The following PGGT1B variants were observed in gnomAD, a reference collection of about 807,000 sequenced individuals.
PGGT1B encodes the protein geranylgeranyl transferase type-1 subunit beta.
A neutral mutation model predicts 46.1 loss-of-function variants in PGGT1B; 30 were observed. The ratio of observed to expected loss-of-function variants is 0.65; its 90% CI spans 0.49 to 0.88. PGGT1B has a LOEUF of 0.88. Ranked by LOEUF, PGGT1B falls within the 40% of genes least tolerant of loss-of-function variation. The pLI is 0.00. For synonymous variants in PGGT1B, 170 were observed against 160.0 expected, an observed-to-expected ratio of 1.06 and a Z score of -0.47; for missense variants, 376 against 455.9, an observed-to-expected ratio of 0.82 and a Z score of 1.60.
intron 1 of PGGT1B, among the ~76,000 whole-genome samples, chr5:115,258,911 C>A (rs537187977): frequency 6.6e-6 from 1 of 152,342 alleles, no homozygotes; most frequent in African/African-American, 2.4e-5. Flanking sequence ...TCATGCAACA[C>A]CGCAGCTCTT....
At chr5:115,252,805 AAAAC>A (rs1487628184) in intron 2 of PGGT1B, 3 of 170,014 alleles carry the variant, frequency 1.8e-5, no homozygotes, top group Non-Finnish European at 3.7e-5. Context: ...TTGGGAATGA[AAAAC>A]AGAGTTAATG....
At chr5:115,254,465 A>C (rs1028364654) in intron 1 of PGGT1B, among the ~76,000 whole-genome samples, 1 of 152,010 alleles carries the variant, frequency 6.6e-6, no homozygotes, top group African/African-American at 2.4e-5. Context: ...TTAAGCACTT[A>C]TGTGTGGAAT....
At chr5:115,216,090 A>C (rs1756407921) in intron 8 of PGGT1B, among the ~76,000 whole-genome samples, 1 of 152,058 alleles carries the variant, frequency 6.6e-6, no homozygotes, top group Non-Finnish European at 1.5e-5. Flanking sequence ...GGAGAACAAG[A>C]GTATGGGAAG....
At chr5:115,224,648 C>T (rs986087573) in intron 6 of PGGT1B, among the ~76,000 whole-genome samples, 3 of 151,944 alleles carry the variant, frequency 2.0e-5, no homozygotes, top group Non-Finnish European at 4.4e-5. Flanking sequence ...AGTGAGAGAA[C>T]TGCTTGAGCT....
rs565998631 is a variant in PGGT1B at position 115,212,036 on chromosome 5, C to A, written c.*366G>T. 5.3e-5 allele frequency: 9 copies of A among 170,422 alleles called. No individual in the cohort carries two copies. In the South Asian group the frequency reaches 1.2e-3, roughly 23 times the overall value. The allele number at this position is 170,422 out of a possible 1,614,324, so 10.6% of individuals were successfully genotyped here. Reference sequence around the variant, plus strand: ...CACTAAGTGTTCACCTGAAGATTATCAATGCTATATGAAGTGTAAACTTGA... The same window carrying A: ...CACTAAGTGTTCACCTGAAGATTATAAATGCTATATGAAGTGTAAACTTGA... On this transcript the variant is annotated 3_prime_UTR_variant, in exon 9 of 9. Coordinates refer to ENST00000419445, the MANE Select transcript of PGGT1B (RefSeq NM_005023.4).
chr5:115,241,397 A>C, intron 3 of PGGT1B, 142 bp downstream of exon 3: 1 of 431,704 alleles, frequency 2.3e-6, no homozygotes, highest in Non-Finnish European at 4.1e-6. Flanking sequence ...ATTTCAGTTT[A>C]TAATATATAT....
Position 115,207,940 on chromosome 5 carries a change from T to C in PGGT1B, c.*4462A>G, listed in dbSNP as rs901060978. The C allele has an allele frequency of 3.3e-5, 5 of 152,082 alleles. No homozygotes were observed. The highest frequency in any genetic ancestry group is 1.2e-4 in the African/African-American group (5 of 41,448). 9.4% of individuals were successfully genotyped at this position (152,082 alleles called of 1,614,324 possible). Reference sequence around the variant, plus strand: ...ATTATTCATCAATTTCTACTTAGTATAGTTAACATAAGTGAGTGCTCAATT... The same window carrying C: ...ATTATTCATCAATTTCTACTTAGTACAGTTAACATAAGTGAGTGCTCAATT... On this transcript the variant is annotated 3_prime_UTR_variant, in exon 9 of 9. Coordinates refer to ENST00000419445, the MANE Select transcript of PGGT1B (RefSeq NM_005023.4).
chr5:115,217,089 A>T (rs1756443218), intron 7 of PGGT1B, 116 bp from the exon 8 acceptor site: 1 of 631,762 alleles, frequency 1.6e-6, no homozygotes, highest in South Asian at 2.0e-5. Flanking sequence ...TGCTCAGACC[A>T]AGTCTCTGGG....
rs1346173629 is a variant in PGGT1B, at chr5:115,210,479, T to G, written c.*1923A>C. Reference sequence around the variant, plus strand: ...TGTGAACATTTACTAGTCCATAAAGTTTCACAAGAAAGTCTCCCACAAGTG... The same window carrying G: ...TGTGAACATTTACTAGTCCATAAAGGTTCACAAGAAAGTCTCCCACAAGTG... On this transcript the variant is annotated 3_prime_UTR_variant, in exon 9 of 9. Transcript: ENST00000419445. 6.6e-6 allele frequency: 1 copy of G among 152,108 alleles called. No individual in the cohort carries two copies. Among genetic ancestry groups the G allele is most frequent in the Non-Finnish European group, 1.5e-5 (1 of 67,986 alleles). 9.4% of individuals were successfully genotyped at this position (152,108 alleles called of 1,614,324 possible). A position where few individuals can be genotyped will look rare whatever the true frequency, so the allele number is the denominator to read the frequency against.
intron 1 of PGGT1B, among the ~76,000 whole-genome samples, chr5:115,255,286 A>G (rs1312235235): frequency 6.6e-6 from 1 of 152,172 alleles, no homozygotes; most frequent in Admixed American, 6.5e-5. Flanking sequence ...GTGCTTCTCC[A>G]AACACAATAA....
Position 115,206,080 on chromosome 5 carries a change from A to C in PGGT1B, c.*6322T>G, listed in dbSNP as rs1310836327. 2 of 151,998 alleles carry C rather than the reference A, an allele frequency of 1.3e-5. No individual in the cohort carries two copies. The highest frequency in any genetic ancestry group is 6.6e-5 in the Admixed American group (1 of 15,250). The allele number at this position is 151,998 out of a possible 1,614,324, so 9.4% of individuals were successfully genotyped here. A position where few individuals can be genotyped will look rare whatever the true frequency, so the allele number is the denominator to read the frequency against. On this transcript the variant is annotated 3_prime_UTR_variant, in exon 9 of 9. Transcript: ENST00000419445. ...TCATAATACATTGTTGAATGAAAAA[A>C]AACCATGGAATATTTAGTACCTCAG...
intron 6 of PGGT1B, among the ~76,000 whole-genome samples, chr5:115,229,523 AG>A (rs1756909190): frequency 6.6e-6 from 1 of 152,104 alleles, no homozygotes; most frequent in African/African-American, 2.4e-5. Context: ...TGTATAACTC[AG>A]GAAGATTTTT....
intron 1 of PGGT1B, among the ~76,000 whole-genome samples, chr5:115,262,068 A>T (rs1748579993): frequency 6.6e-6 from 1 of 152,212 alleles, no homozygotes; most frequent in Non-Finnish European, 1.5e-5. Flanking sequence ...TCACTTCAAA[A>T]CACAGCAATG....
rs1406881338 is a variant in PGGT1B at position 115,208,268 on chromosome 5, T to C, written c.*4134A>G. ...TTCTTTATTTGTTTTTTTTCTTTTT[T>C]TGGCACTTTGAGGTTCAAGATTCTT... On this transcript the variant is annotated 3_prime_UTR_variant, in exon 9 of 9. Coordinates refer to ENST00000419445, the MANE Select transcript of PGGT1B (RefSeq NM_005023.4). The C allele has an allele frequency of 1.3e-5, 2 of 152,058 alleles. No individual in the cohort carries two copies. The highest frequency in any genetic ancestry group is 2.4e-5 in the African/African-American group (1 of 41,446). The allele number at this position is 152,058 out of a possible 1,614,324, so 9.4% of individuals were successfully genotyped here. A position where few individuals can be genotyped will look rare whatever the true frequency, so the allele number is the denominator to read the frequency against.
intron 8 of PGGT1B, among the ~76,000 whole-genome samples, chr5:115,215,635 G>C (rs571815838): frequency 6.6e-6 from 1 of 152,134 alleles, no homozygotes; most frequent in Non-Finnish European, 1.5e-5. Context: ...AGGCAAGTAG[G>C]GGTGTAAGGA....
intron 1 of PGGT1B, among the ~76,000 whole-genome samples, chr5:115,261,902 A>T (rs1367920684): frequency 6.6e-6 from 1 of 152,210 alleles, no homozygotes; most frequent in Admixed American, 6.5e-5. Context: ...GTTCTTGACC[A>T]AGTGTGCAGA....
chr5:115,249,846 G>A (rs570275428), intron 2 of PGGT1B, among the ~76,000 whole-genome samples: 2 of 152,142 alleles, frequency 1.3e-5, no homozygotes, highest in African/African-American at 4.8e-5. Context: ...ATTCTTTACT[G>A]GGCCATAGTT....
At chr5:115,231,628 C>T (rs1756987282) in intron 5 of PGGT1B, 1 of 152,078 alleles carries the variant, frequency 6.6e-6, no homozygotes, top group South Asian at 2.1e-4. Context: ...CAACTCTACA[C>T]ACCTTTGCAG....
At position 115,230,966 on chromosome 5, in the gene PGGT1B, G is replaced by A. The variant is rs1451166374; in HGVS notation, c.658+10C>T. ...AGAAACTACATGTTCACTTATTTAA[G>A]ATGTCTTACCATGAGATTCAAGTCC... is the stretch of plus-strand genomic sequence containing the variant. On this transcript the variant is annotated intron_variant, in intron 6 of 8. Transcript: ENST00000419445. The A allele has an allele frequency of 2.6e-6, 4 of 1,534,390 alleles. No homozygotes were observed. Among genetic ancestry groups the A allele is most frequent in the Non-Finnish European group, 2.7e-6 (3 of 1,115,672 alleles).
Sources: allele counts gnomAD v4.1 joint callset (sites outside exome capture counted in the v4.1 genomes callset), GRCh38; gene constraint gnomAD v4.1.1; transcripts MANE v1.5; gene names NCBI Gene and HGNC (gene_info 2026-07-23, HGNC 2026-07-21).